Variants in DGKI observed in about 807,000 individuals in gnomAD.
DGKI encodes the protein diacylglycerol kinase iota, also known as DAG kinase iota.
In DGKI, 55 loss-of-function variants were observed where a neutral mutation model predicts 147.5. That is an observed-to-expected ratio of 0.37 (90% CI 0.30 to 0.47). The LOEUF (loss-of-function observed/expected upper bound fraction) is 0.47, where lower values mean the gene tolerates loss of function less well. Among genes scored for constraint, DGKI ranks in the 20% least tolerant of loss-of-function variants. DGKI has a pLI of 1.00. For missense variants in DGKI, 1,007 were observed against 1,323.8 expected (o/e 0.76, Z 3.71); for synonymous variants, 469 against 477.1 (o/e 0.98, Z 0.22).
chr7:137,444,453 G>A (rs191667463), intron 27 of DGKI, among the ~76,000 whole-genome samples: 36 of 152,264 alleles, frequency 2.4e-4, no homozygotes, highest in African/African-American at 8.7e-4. Context: ...CTCCAGCCAG[G>A]GATATAAAAA....
chr7:137,729,675 C>T (rs1794812472), intron 1 of DGKI, among the ~76,000 whole-genome samples: 1 of 152,104 alleles, frequency 6.6e-6, no homozygotes, highest in South Asian at 2.1e-4. Flanking sequence ...ATAGAAACCA[C>T]ACTCCACAAA....
intron 19 of DGKI, among the ~76,000 whole-genome samples, chr7:137,561,784 G>A (rs2128971393): frequency 6.6e-6 from 1 of 151,976 alleles, no homozygotes; most frequent in South Asian, 2.1e-4. Flanking sequence ...TATATACAAG[G>A]AAATAATGAT....
chr7:137,570,837 C>A (rs1404827081), intron 19 of DGKI, among the ~76,000 whole-genome samples: 1 of 152,182 alleles, frequency 6.6e-6, no homozygotes, highest in Non-Finnish European at 1.5e-5. Context: ...GATCCACCCA[C>A]CTCGGCCTCC....
intron 6 of DGKI, among the ~76,000 whole-genome samples, chr7:137,637,865 A>G (rs1423439513): frequency 5.9e-5 from 9 of 152,154 alleles, no homozygotes; most frequent in Admixed American, 6.5e-5. Context: ...TTTTAATTAA[A>G]GGAGATTTTT....
At chr7:137,528,377 T>C (rs1326866713) in intron 20 of DGKI, among the ~76,000 whole-genome samples, 2 of 152,182 alleles carry the variant, frequency 1.3e-5, no homozygotes, top group Non-Finnish European at 2.9e-5. Flanking sequence ...AATTAAATAA[T>C]GCCTCGGAAA....
chr7:137,390,845 C>T lies in DGKI; in HGVS notation c.*375G>A, dbSNP rs1471066213. On this transcript the variant is annotated 3_prime_UTR_variant, in exon 33 of 33. Coordinates refer to ENST00000614521, the MANE Select transcript of DGKI (RefSeq NM_001321708.2). ...GTAGTTACAGTAGAATTGTATGGTA[C>T]AGGGAAAAAAACCAATGCATAGGGG... 8.8e-6 allele frequency: 2 copies of T among 227,772 alleles called. No individual in the cohort carries two copies. The highest frequency in any genetic ancestry group is 1.7e-5 in the Non-Finnish European group (2 of 115,098). The allele number at this position is 227,772 out of a possible 1,614,324, so 14.1% of individuals were successfully genotyped here.
At chr7:137,620,730 G>C (rs1820718161) in intron 7 of DGKI, among the ~76,000 whole-genome samples, 1 of 152,194 alleles carries the variant, frequency 6.6e-6, no homozygotes, top group Non-Finnish European at 1.5e-5. Context: ...GTGACACTCA[G>C]ACTGGTGACC....
intron 10 of DGKI, 54 bp downstream of exon 10, chr7:137,608,912 G>A: frequency 7.2e-7 from 1 of 1,379,594 alleles, no homozygotes; most frequent in Non-Finnish European, 1.0e-6. Context: ...TGAGAGTTGT[G>A]TCGTCAAGAA....
chr7:137,475,491 T>C (rs1258875871), intron 23 of DGKI, among the ~76,000 whole-genome samples: 1 of 152,252 alleles, frequency 6.6e-6, no homozygotes, highest in South Asian at 2.1e-4. Context: ...AACTGCCTAC[T>C]TGCTATTTCC....
chr7:137,772,935 A>G (rs571549534), intron 1 of DGKI, among the ~76,000 whole-genome samples: 1 of 152,298 alleles, frequency 6.6e-6, no homozygotes, highest in African/African-American at 2.4e-5. Flanking sequence ...GGGTGGAGAG[A>G]GGAAGGGTGA....
intron 27 of DGKI, chr7:137,453,280 C>G (rs1469941808): frequency 6.6e-6 from 1 of 152,172 alleles, no homozygotes; most frequent in Non-Finnish European, 1.5e-5. Flanking sequence ...ATTGCCTATC[C>G]TGGAGAACTA....
intron 1 of DGKI, among the ~76,000 whole-genome samples, chr7:137,796,269 G>A (rs537881093): frequency 2.2e-4 from 34 of 152,230 alleles, no homozygotes; most frequent in Admixed American, 6.5e-4. Context: ...AGGCCAAGGC[G>A]GGTGGGTCAC....
chr7:137,814,176 A>G (rs994131699), intron 1 of DGKI, among the ~76,000 whole-genome samples: 5 of 152,260 alleles, frequency 3.3e-5, no homozygotes, highest in Non-Finnish European at 7.4e-5. Flanking sequence ...AGCCACCCGG[A>G]GAGTAGGATG....
At chr7:137,427,997 T>G (rs1812893803) in intron 28 of DGKI, among the ~76,000 whole-genome samples, 1 of 150,456 alleles carries the variant, frequency 6.6e-6, no homozygotes, top group Non-Finnish European at 1.5e-5. Flanking sequence ...TACCATTCCT[T>G]CTGAAACTAT....
intron 20 of DGKI, among the ~76,000 whole-genome samples, chr7:137,534,959 C>CAA (rs566433556): frequency 4.1e-4 from 62 of 152,174 alleles, no homozygotes; most frequent in South Asian, 3.1e-3. Context: ...TGGACACAGA[C>CAA]AAAGAGGGAA....
intron 28 of DGKI, among the ~76,000 whole-genome samples, chr7:137,429,233 C>A (rs1812957512): frequency 6.6e-6 from 1 of 151,136 alleles, no homozygotes; most frequent in African/African-American, 2.4e-5. Flanking sequence ...GAACAGGGCC[C>A]TCAGAAATAA....
rs74398970 is a variant in DGKI at position 137,842,841 on chromosome 7, A to G, written c.401+3621T>C. Among the ~76,000 whole-genome samples the G allele has an allele frequency of 3.2e-3, 494 of 152,312 alleles. 4 individuals are homozygous for G. Among genetic ancestry groups the G allele is most frequent in the African/African-American group, 0.011 (475 of 41,558 alleles). ...GGCCACAAGCCAAAAAAAGGTATGC[A>G]ATAATATATAATAATAATAATATGT... is the stretch of plus-strand genomic sequence containing the variant. On this transcript the variant is annotated intron_variant, in intron 1 of 32. Coordinates refer to ENST00000614521, the MANE Select transcript of DGKI (RefSeq NM_001321708.2).
At chr7:137,507,828 C>T (rs897983052) in intron 21 of DGKI, among the ~76,000 whole-genome samples, 2 of 152,074 alleles carry the variant, frequency 1.3e-5, no homozygotes, top group African/African-American at 2.4e-5. Flanking sequence ...ACATGTACTC[C>T]ACGTGTTTAG....
intron 1 of DGKI, among the ~76,000 whole-genome samples, chr7:137,769,246 A>G (rs1796110188): frequency 6.6e-6 from 1 of 152,172 alleles, no homozygotes; most frequent in Admixed American, 6.5e-5. Context: ...CAGATCCAGC[A>G]ATGGTGGTCG....
Sources: allele counts gnomAD v4.1 joint callset (sites outside exome capture counted in the v4.1 genomes callset), GRCh38; gene constraint gnomAD v4.1.1; transcripts MANE v1.5; gene names NCBI Gene and HGNC (gene_info 2026-07-23, HGNC 2026-07-21).